Variants in PLAA observed in about 807,000 individuals in gnomAD.
The protein encoded by PLAA is phospholipase A2 activating protein, also known as phospholipase A-2-activating protein.
A neutral mutation model predicts 84.1 loss-of-function variants in PLAA; 48 were observed. The observed-to-expected ratio is 0.57, with a 90% CI of 0.45 to 0.73. The LOEUF is 0.73. PLAA is among the 30% of genes least tolerant of loss of function. PLAA has a pLI of 0.00. For synonymous variants in PLAA, 392 were observed against 336.6 expected (o/e 1.16, Z -1.80); for missense variants, 903 against 954.7 (o/e 0.95, Z 0.71).
chr9:26,946,899 G>A lies in PLAA; in HGVS notation c.147C>T (p.Asp49=), dbSNP rs1341444785. 20 of 1,580,294 alleles carry A rather than the reference G, an allele frequency of 1.3e-5. No individual in the cohort carries two copies. The highest frequency in any genetic ancestry group is 1.6e-5 in the Non-Finnish European group (19 of 1,163,882). ...GCAACCCGACTCCCAGCGCTCACCT[G>A]TCTGGGGCCCAGAGGCGGGTGGTGC... is the stretch of plus-strand genomic sequence containing the variant. ...RDRTTRLWAP[D]SPNRSFTEMH... The change falls in exon 1 of 14, where the codon GAC becomes GAT. Residue 49 remains aspartate, a splice_region_variant and synonymous_variant. Transcript: ENST00000397292.
At chr9:26,906,576 C>T (rs1037485672) in intron 13 of PLAA, among the ~76,000 whole-genome samples, 17 of 151,878 alleles carry the variant, frequency 1.1e-4, no homozygotes, top group African/African-American at 3.9e-4. Context: ...TACAGGTGCA[C>T]GTCACCACGC....
rs973107829 is a variant in PLAA, at chr9:26,905,053, A to T, written c.*458T>A. 3.9e-5 allele frequency: 6 copies of T among 152,358 alleles called. No homozygotes were observed. The highest frequency in any genetic ancestry group is 1.2e-4 in the African/African-American group (5 of 41,562). The allele number at this position is 152,358 out of a possible 1,614,324, so 9.4% of individuals were successfully genotyped here. On this transcript the variant is annotated 3_prime_UTR_variant, in exon 14 of 14. Transcript: ENST00000397292. ...TTATTTTATAAATTTAATATAATTT[A>T]AAAAATTTTAAAGTAGTTATCCTAA... is the stretch of plus-strand genomic sequence containing the variant.
intron 10 of PLAA, chr9:26,916,252 T>G (rs553428736): frequency 7.3e-4 from 721 of 985,372 alleles, no homozygotes; most frequent in South Asian, 1.9e-3. Flanking sequence ...GCAAGGCCAG[T>G]GGATACCTAA....
At position 26,928,148 on chromosome 9, in the gene PLAA, TG is replaced by T; in HGVS notation, c.516del (p.Asp172GlufsTer23). ...EQGLMLTGSA[D>X]KTVKLWKAGR... ...CCAGCCTTCCACAGTTTAACAGTCT[TG>T]TCTGCTGATCCAGTCAACATTAAGC... On this transcript the variant is annotated frameshift_variant, in exon 4 of 14. Transcript: ENST00000397292. LOFTEE classifies it high-confidence loss of function. 6.2e-7 allele frequency: 1 copy of T among 1,614,212 alleles called. No homozygotes were observed.
At chr9:26,942,899 G>GGCACAGAAAAAGAT (rs1825586064) in intron 1 of PLAA, among the ~76,000 whole-genome samples, 1 of 110,400 alleles carries the variant, frequency 9.1e-6, no homozygotes, top group Non-Finnish European at 1.9e-5. Flanking sequence ...AAAAAAAAAA[G>GGCACAGAAAAAGAT]GCACAGAAAA....
rs150482169 is a variant in PLAA at position 26,916,415 on chromosome 9, T to C, written c.1486+682A>G. The C allele has an allele frequency of 1.4e-5, 14 of 987,010 alleles. No individual in the cohort carries two copies. The African/African-American group carries it at 1.9e-4, about 14-fold the overall frequency. 61.1% of individuals were successfully genotyped at this position (987,010 alleles called of 1,614,324 possible). Reference sequence around the variant, plus strand: ...AACTCTGGCACTTTTTCCAGTAGTGTTGATGCTGAGGCATGCATACCTTGG... The same window carrying C: ...AACTCTGGCACTTTTTCCAGTAGTGCTGATGCTGAGGCATGCATACCTTGG... On this transcript the variant is annotated intron_variant, in intron 10 of 13. Coordinates refer to ENST00000397292, the MANE Select transcript of PLAA (RefSeq NM_001031689.3).
In PLAA at chr9:26,935,154, C is replaced by G; in HGVS notation, c.202G>C (p.Val68Leu). 2 of 1,596,366 alleles carry G rather than the reference C, an allele frequency of 1.3e-6. No individual in the cohort carries two copies. The highest frequency in any genetic ancestry group is 1.7e-6 in the Non-Finnish European group (2 of 1,174,754). ...GAGGGTATGATGCATACACAAGATA[C>G]AAAATTGGAATGGCCACTCATACAG... ...MHCMSGHSNFVSCVCIIPSSD... is the reference protein window; with the variant it reads ...MHCMSGHSNFLSCVCIIPSSD... The change falls in exon 2 of 14, where the codon GTA becomes CTA. Residue 68 changes from valine to leucine, a missense_variant. Val to Leu is a conservative substitution (Grantham distance 32). Transcript: ENST00000397292.
chr9:26,944,410 A>G (rs1032296832), intron 1 of PLAA, among the ~76,000 whole-genome samples: 2 of 152,230 alleles, frequency 1.3e-5, no homozygotes, highest in Admixed American at 1.3e-4. Flanking sequence ...CACTTTTACA[A>G]CATTAAAGGT....
chr9:26,945,781 T>C (rs938459744), intron 1 of PLAA, among the ~76,000 whole-genome samples: 1 of 152,236 alleles, frequency 6.6e-6, no homozygotes, highest in Admixed American at 6.5e-5. Context: ...CTGCCTGGAA[T>C]GCTCTTCCAA....
rs1824513753 is a variant in PLAA at position 26,915,218 on chromosome 9, A to C, written c.1487-1271T>G. On this transcript the variant is annotated intron_variant, in intron 10 of 13. Coordinates refer to ENST00000397292, the MANE Select transcript of PLAA (RefSeq NM_001031689.3). The stretch of plus-strand genomic sequence containing the variant: ...GAAGAACAAAACTCTGACTCGAAAA[A>C]AAAAAAAATCTAAGATCAAACTACC... 2.0e-5 allele frequency among the ~76,000 whole-genome samples: 3 copies of C among 152,050 alleles called. No individual in the cohort carries two copies. The South Asian group carries it at 6.2e-4, about 32-fold the overall frequency.
chr9:26,930,355 T>C lies in PLAA; in HGVS notation c.344-1947A>G, dbSNP rs148914376. On this transcript the variant is annotated intron_variant, in intron 2 of 13. Transcript: ENST00000397292. ...TCCTGACCTTATGATCCGCCCGCCT[T>C]GGCCTCCCAAGTGCTGGGATTACAG... Among the ~76,000 whole-genome samples the C allele has an allele frequency of 4.6e-5, 7 of 152,132 alleles. No individual in the cohort carries two copies. In the East Asian group the frequency reaches 5.8e-4, roughly 13 times the overall value.
intron 11 of PLAA, among the ~76,000 whole-genome samples, chr9:26,912,744 T>G (rs1300665555): frequency 6.6e-6 from 1 of 152,072 alleles, no homozygotes; most frequent in Non-Finnish European, 1.5e-5. Context: ...ACTTTGCAAA[T>G]GAGAAAAACA....
At chr9:26,944,581 G>T (rs1825631003) in intron 1 of PLAA, among the ~76,000 whole-genome samples, 1 of 151,582 alleles carries the variant, frequency 6.6e-6, no homozygotes, top group African/African-American at 2.4e-5. Context: ...TACAATAGCT[G>T]ATGAGCATTT....
intron 10 of PLAA, chr9:26,915,531 TCAACAA>T: frequency 3.9e-6 from 1 of 257,380 alleles, no homozygotes; most frequent in Non-Finnish European, 6.1e-6. Flanking sequence ...AACATCATCA[TCAACAA>T]CAACTAATAC....
At chr9:26,939,708 G>T (rs950507398) in intron 1 of PLAA, among the ~76,000 whole-genome samples, 1 of 151,848 alleles carries the variant, frequency 6.6e-6, no homozygotes, top group Non-Finnish European at 1.5e-5. Flanking sequence ...GATGAAACAG[G>T]ATATTCCATG....
Position 26,943,953 on chromosome 9 carries a change from C to A in PLAA, c.149+2944G>T, listed in dbSNP as rs114355240. 6.5e-3 allele frequency among the ~76,000 whole-genome samples: 984 copies of A among 152,038 alleles called. 13 individuals are homozygous for A. The highest frequency in any genetic ancestry group is 0.022 in the African/African-American group (931 of 41,436). On this transcript the variant is annotated intron_variant, in intron 1 of 13. Coordinates refer to ENST00000397292, the MANE Select transcript of PLAA (RefSeq NM_001031689.3). ...TGGGCAACAAAGCAAGACCCTGTGT[C>A]AAAAAAACAAAATCACACAAATATT...
chr9:26,929,390 C>T (rs1198792211), intron 2 of PLAA, among the ~76,000 whole-genome samples: 2 of 152,032 alleles, frequency 1.3e-5, no homozygotes, highest in Non-Finnish European at 2.9e-5. Context: ...AAGAGAATTG[C>T]TTGAGCATGG....
chr9:26,938,876 T>C (rs1211558681), intron 1 of PLAA, among the ~76,000 whole-genome samples: 2 of 152,226 alleles, frequency 1.3e-5, no homozygotes, highest in African/African-American at 2.4e-5. Context: ...TATTACTTTA[T>C]GTTTTTAGGA....
At chr9:26,918,163 G>A (rs1824628455) in intron 9 of PLAA, among the ~76,000 whole-genome samples, 1 of 151,960 alleles carries the variant, frequency 6.6e-6, no homozygotes, top group African/African-American at 2.4e-5. Flanking sequence ...CCAGGTTGGA[G>A]TGCAATGGTG....
Sources: gnomAD v4.1 joint callset for allele counts (sites outside exome capture counted in the v4.1 genomes callset) on GRCh38, gnomAD v4.1.1 for gene constraint, MANE v1.5 for transcripts, NCBI Gene and HGNC (gene_info 2026-07-23, HGNC 2026-07-21) for gene names.